The following ANKRD11 variants were observed in gnomAD, a reference collection of about 807,000 sequenced individuals.
ANKRD11 encodes the protein ankyrin repeat domain-containing protein 11.
ANKRD11 carries 17 observed loss-of-function variants against 195.7 expected under a neutral mutation model. The observed-to-expected ratio is 0.09, with a 90% CI of 0.06 to 0.13. ANKRD11 has a LOEUF of 0.13. Among genes scored for constraint, ANKRD11 ranks in the 10% least tolerant of loss-of-function variants. The pLI is 1.00. For synonymous variants in ANKRD11, 1,953 were observed against 1,528.1 expected, an observed-to-expected ratio of 1.28 and a Z score of -6.49; for missense variants, 3,735 against 3,566.1, an observed-to-expected ratio of 1.05 and a Z score of -1.21.
At chr16:89,482,876 C>G (rs979551137) in intron 1 of ANKRD11, among the ~76,000 whole-genome samples, 1 of 152,224 alleles carries the variant, frequency 6.6e-6, no homozygotes, top group Admixed American at 6.5e-5. Flanking sequence ...CGAATGCAGG[C>G]AGCCTCTGGA....
In ANKRD11 at chr16:89,271,009, C is replaced by A. The variant is rs1271456783; in HGVS notation, c.7714-100G>T. ...TGCTGCAGTGACCGTTCTCAAGGGA[C>A]AACCACAGGGGGAGCCTCATTCCAC... On this transcript the variant is annotated intron_variant, in intron 11 of 12. Transcript: ENST00000301030. The A allele has an allele frequency of 4.6e-6, 5 of 1,092,742 alleles. No homozygotes were observed. In the East Asian group the frequency reaches 1.3e-4, roughly 28 times the overall value. 67.7% of individuals were successfully genotyped at this position (1,092,742 alleles called of 1,614,324 possible).
intron 2 of ANKRD11, among the ~76,000 whole-genome samples, chr16:89,341,801 G>A (rs2038673721): frequency 6.6e-6 from 1 of 152,046 alleles, no homozygotes; most frequent in Non-Finnish European, 1.5e-5. Context: ...GGCAGAGTCT[G>A]GCACGGATGG....
At chr16:89,348,364 C>T (rs575602853) in intron 2 of ANKRD11, among the ~76,000 whole-genome samples, 22 of 152,300 alleles carry the variant, frequency 1.4e-4, no homozygotes, top group African/African-American at 4.8e-4. Flanking sequence ...ACCCCGCTTG[C>T]TCATGAGGTA....
At chr16:89,393,963 G>A (rs969446398) in intron 2 of ANKRD11, among the ~76,000 whole-genome samples, 19 of 152,234 alleles carry the variant, frequency 1.2e-4, no homozygotes, top group African/African-American at 3.6e-4. Flanking sequence ...CTACGAATAA[G>A]TGAAGCTCAA....
intron 1 of ANKRD11, among the ~76,000 whole-genome samples, chr16:89,447,508 G>A (rs1165407577): frequency 3.3e-5 from 5 of 151,972 alleles, no homozygotes; most frequent in South Asian, 4.2e-4. Flanking sequence ...ACAATCCTAC[G>A]AATCAGAGGG....
At chr16:89,394,632 A>G (rs897813362) in intron 2 of ANKRD11, among the ~76,000 whole-genome samples, 4 of 150,746 alleles carry the variant, frequency 2.7e-5, no homozygotes, top group African/African-American at 7.3e-5. Context: ...CTGTCTCCAA[A>G]AAAAAAAAAA....
At position 89,415,829 on chromosome 16, in the gene ANKRD11, C is replaced by CAAAAAAAAAAAAA. The variant is rs71134220; in HGVS notation, c.-60+2442_-60+2454dup. Among the ~76,000 whole-genome samples the CAAAAAAAAAAAAA allele has an allele frequency of 7.8e-3, 308 of 39,672 alleles. 23 individuals carry two copies. The highest frequency in any genetic ancestry group is 0.015 in the African/African-American group (161 of 10,758). 26.0% of individuals were successfully genotyped at this position (39,672 alleles called of 152,430 possible). ...TGCACAACAAAGCTAGACTCTGTCT[C>CAAAAAAAAAAAAA]AAAAAAAAAAAAAAAAAAAAACAAT... On this transcript the variant is annotated intron_variant, in intron 2 of 12. Coordinates refer to ENST00000301030, the MANE Select transcript of ANKRD11 (RefSeq NM_013275.6).
At position 89,281,524 on chromosome 16, in the gene ANKRD11, C is replaced by T; in HGVS notation, c.5018G>A (p.Gly1673Asp). ...TGCCAGCCAGTCTTTGGAGTCTGCA[C>T]CTGATGCTGGGTGTAGCTTATTTTC... ...AAENKLHPAS[G>D]ADSKDWLAGP... The change falls in exon 9 of 13, where the codon GGT becomes GAT. Residue 1673 changes from glycine to aspartate, a missense_variant. Coordinates refer to ENST00000301030, the MANE Select transcript of ANKRD11 (RefSeq NM_013275.6). The surrounding 1 kb of genome is among the most constrained non-coding windows in gnomAD (Gnocchi z 5.5). 1.6e-5 allele frequency: 26 copies of T among 1,614,202 alleles called. No individual in the cohort carries two copies. Among genetic ancestry groups the T allele is most frequent in the Non-Finnish European group, 2.2e-5 (26 of 1,180,030 alleles).
At chr16:89,354,727 C>T (rs916633281) in intron 2 of ANKRD11, among the ~76,000 whole-genome samples, 17 of 152,188 alleles carry the variant, frequency 1.1e-4, no homozygotes, top group Non-Finnish European at 2.1e-4. Context: ...ACTAAAAATA[C>T]AGAAATTAGC....
intron 4 of ANKRD11, among the ~76,000 whole-genome samples, chr16:89,302,180 G>A (rs953448618): frequency 3.3e-5 from 5 of 152,224 alleles, no homozygotes; most frequent in Admixed American, 6.5e-5. Flanking sequence ...GAGGGGACGC[G>A]GCGTGTGTGA....
intron 2 of ANKRD11, among the ~76,000 whole-genome samples, chr16:89,334,668 G>A (rs763618551): frequency 3.3e-5 from 5 of 152,040 alleles, no homozygotes; most frequent in East Asian, 3.9e-4. Context: ...CCACATCCAC[G>A]AGGGCCCAGG....
At chr16:89,390,846 C>G (rs191089436) in intron 2 of ANKRD11, among the ~76,000 whole-genome samples, 7 of 152,326 alleles carry the variant, frequency 4.6e-5, no homozygotes, top group African/African-American at 1.7e-4. Context: ...CCCTCCGCAT[C>G]TGACTGTGCA....
chr16:89,396,782 G>A (rs1405574861), intron 2 of ANKRD11, among the ~76,000 whole-genome samples: 4 of 152,272 alleles, frequency 2.6e-5, no homozygotes, highest in Middle Eastern at 3.4e-3. Flanking sequence ...CGCCTCCCAG[G>A]TTCACGCCGT....
chr16:89,301,145 C>T (rs2035830278), intron 4 of ANKRD11, among the ~76,000 whole-genome samples: 5 of 152,150 alleles, frequency 3.3e-5, no homozygotes, highest in African/African-American at 2.4e-5. Context: ...CTCACTCTGT[C>T]GCCCAGGCTG....
intron 2 of ANKRD11, among the ~76,000 whole-genome samples, chr16:89,374,084 A>G (rs1298389662): frequency 6.6e-6 from 1 of 152,224 alleles, no homozygotes; most frequent in East Asian, 1.9e-4. Context: ...AGGGGTGTTA[A>G]CCCGAGACAA....
chr16:89,366,083 T>C (rs115924174), intron 2 of ANKRD11, among the ~76,000 whole-genome samples: 4,261 of 134,846 alleles, frequency 0.032, 140 homozygotes, highest in African/African-American at 0.085. Flanking sequence ...TGAGCTAAAA[T>C]GGCGCCACTG....
intron 1 of ANKRD11, among the ~76,000 whole-genome samples, chr16:89,452,644 G>T (rs954893803): frequency 6.6e-6 from 1 of 151,882 alleles, no homozygotes; most frequent in Non-Finnish European, 1.5e-5. Context: ...GAGTGTGGTG[G>T]CGGGAGCCTG....
intron 1 of ANKRD11, among the ~76,000 whole-genome samples, chr16:89,440,109 G>C (rs2043382007): frequency 6.6e-6 from 1 of 152,186 alleles, no homozygotes; most frequent in Non-Finnish European, 1.5e-5. Context: ...CTCTAGCCCA[G>C]TGCTCACCCG....
chr16:89,443,514 T>C (rs2043626604), intron 1 of ANKRD11: 1 of 152,014 alleles, frequency 6.6e-6, no homozygotes, highest in African/African-American at 2.4e-5. Flanking sequence ...GGTGCTCCCA[T>C]TCCCACAGCA....
Sources: gnomAD v4.1 joint callset for allele counts (sites outside exome capture counted in the v4.1 genomes callset) on GRCh38, gnomAD v4.1.1 for gene constraint, Gnocchi (gnomAD v3.1) non-coding constraint, MANE v1.5 for transcripts, NCBI Gene and HGNC (gene_info 2026-07-23, HGNC 2026-07-21) for gene names.